The following MYO9B variants were observed in gnomAD, a reference collection of about 807,000 sequenced individuals.
MYO9B encodes the protein unconventional myosin-IXb.
MYO9B carries 71 observed loss-of-function variants against 229.5 expected under a neutral mutation model. That is an observed-to-expected ratio of 0.31 (90% CI 0.26 to 0.38). MYO9B has a LOEUF of 0.38. MYO9B is among the 10% of genes least tolerant of loss of function. MYO9B has a pLI of 1.00. For synonymous variants in MYO9B, 1,185 were observed against 1,235.8 expected, an observed-to-expected ratio of 0.96 and a Z score of 0.86; for missense variants, 2,255 against 2,920.5, an observed-to-expected ratio of 0.77 and a Z score of 5.25.
intron 11 of MYO9B, among the ~76,000 whole-genome samples, chr19:17,171,316 C>T (rs889323350): frequency 4.6e-5 from 7 of 152,124 alleles, no homozygotes; most frequent in African/African-American, 1.7e-4. Flanking sequence ...CAAGGAGTCC[C>T]TTATTCTGCC....
chr19:17,083,095 A>C (rs2057549268), intron 1 of MYO9B, among the ~76,000 whole-genome samples: 1 of 134,170 alleles, frequency 7.5e-6, no homozygotes, highest in East Asian at 2.1e-4. Context: ...CAGAGGCATG[A>C]TCTTGGCTCA....
At chr19:17,203,604 C>G (rs1201732622) in intron 30 of MYO9B, among the ~76,000 whole-genome samples, 9 of 131,466 alleles carry the variant, frequency 6.8e-5, no homozygotes, top group Admixed American at 4.0e-4. Context: ...CAGAGCAAGA[C>G]TCTGTCTCAA....
chr19:17,134,053 G>GCTCAGCCAGGATCT (rs1391524518), intron 2 of MYO9B, among the ~76,000 whole-genome samples: 1 of 152,160 alleles, frequency 6.6e-6, no homozygotes, highest in African/African-American at 2.4e-5. Flanking sequence ...GAGCCACCAT[G>GCTCAGCCAGGATCT]CCTGGCCTGC....
rs1174496586 is a variant in MYO9B, at chr19:17,159,387, C to T, written c.1330-8C>T. 1 of 1,598,756 alleles carries T rather than the reference C, an allele frequency of 6.3e-7. No homozygotes were observed. The highest frequency in any genetic ancestry group is 8.5e-7 in the Non-Finnish European group (1 of 1,172,598). ...TTTTCCTTCTCCCTCTCCTTGACCT[C>T]CAAACAGGTGAAGCGAGAAATCTTG... On this transcript the variant is annotated splice_polypyrimidine_tract_variant and splice_region_variant and intron_variant, in intron 7 of 39. Coordinates refer to ENST00000682292, the MANE Select transcript of MYO9B (RefSeq NM_004145.4).
intron 20 of MYO9B, among the ~76,000 whole-genome samples, chr19:17,191,420 G>A (rs1568294518): frequency 6.6e-6 from 1 of 152,144 alleles, no homozygotes; most frequent in Non-Finnish European, 1.5e-5. Context: ...TCTTCAGCAG[G>A]GCTCAGCGAC....
chr19:17,157,066 C>T (rs1350285639), intron 7 of MYO9B, 28 bp downstream of exon 7: 2 of 1,607,134 alleles, frequency 1.2e-6, no homozygotes, highest in South Asian at 1.1e-5. Flanking sequence ...TGTCCCTTCT[C>T]AGGCCTGGCT....
intron 2 of MYO9B, among the ~76,000 whole-genome samples, chr19:17,118,151 C>T (rs150285488): frequency 5.0e-4 from 76 of 151,996 alleles, no homozygotes; most frequent in Admixed American, 1.1e-3. Flanking sequence ...GTGTACAGGA[C>T]GGCCCCCCTC....
At position 17,134,381 on chromosome 19, in the gene MYO9B, G is replaced by GTTTGTTTT. The variant is rs2072241804; in HGVS notation, c.841-11013_841-11012insGTTTTTTT. ...CTTTGTTTTTTTTTTCGTTTTGTTT[G>GTTTGTTTT]TTTTTTTTTTTTTTTTTTTTTTTTT... On this transcript the variant is annotated intron_variant, in intron 2 of 39. Transcript: ENST00000682292. Among the ~76,000 whole-genome samples, 15 of 46,482 alleles carry GTTTGTTTT rather than the reference G, an allele frequency of 3.2e-4. 1 individual carries two copies. The highest frequency in any genetic ancestry group is 1.2e-3 in the African/African-American group (13 of 11,204). The allele number at this position is 46,482 out of a possible 152,430, so 30.5% of individuals were successfully genotyped here.
At chr19:17,122,982 A>G (rs2057979520) in intron 2 of MYO9B, among the ~76,000 whole-genome samples, 1 of 152,180 alleles carries the variant, frequency 6.6e-6, no homozygotes, top group South Asian at 2.1e-4. Context: ...GTGCTACTCA[A>G]GAGGTTGAGG....
intron 10 of MYO9B, among the ~76,000 whole-genome samples, 192 bp downstream of exon 10, chr19:17,163,314 C>T (rs2072624542): frequency 1.3e-5 from 2 of 151,604 alleles, no homozygotes; most frequent in Non-Finnish European, 1.5e-5. Context: ...GACTCTGTCC[C>T]CATGAAACAC....
chr19:17,203,470 G>C (rs1599424189), intron 30 of MYO9B, among the ~76,000 whole-genome samples: 2 of 151,918 alleles, frequency 1.3e-5, no homozygotes, highest in Non-Finnish European at 2.9e-5. Flanking sequence ...AAAATTATCT[G>C]GGCACAGTAG....
chr19:17,206,442 C>G, intron 33 of MYO9B, 66 bp downstream of exon 33: 1 of 1,573,706 alleles, frequency 6.4e-7, no homozygotes, highest in Non-Finnish European at 8.6e-7. Flanking sequence ...TCGCTGTGAC[C>G]AGCCCAGGAG....
At position 17,181,757 on chromosome 19, in the gene MYO9B, C is replaced by T. The variant is rs565007642; in HGVS notation, c.2333+717C>T. 4.6e-5 allele frequency among the ~76,000 whole-genome samples: 7 copies of T among 152,210 alleles called. No individual in the cohort carries two copies. In the East Asian group the frequency reaches 1.2e-3, roughly 25 times the overall value. On this transcript the variant is annotated intron_variant, in intron 15 of 39. Transcript: ENST00000682292. The stretch of plus-strand genomic sequence containing the variant: ...AGTTTCTTTCTTTCTTTCTTTCTTT[C>T]GTTCGTTCTTTATTTCGTTCTTTCG...
At chr19:17,166,641 G>A (rs914877212) in intron 10 of MYO9B, among the ~76,000 whole-genome samples, 30 of 151,822 alleles carry the variant, frequency 2.0e-4, no homozygotes, top group Admixed American at 1.6e-3. Context: ...TTCCTGATCC[G>A]CTCACTCCTC....
intron 1 of MYO9B, among the ~76,000 whole-genome samples, chr19:17,079,952 T>A (rs948536362): frequency 6.6e-6 from 1 of 152,200 alleles, no homozygotes; most frequent in African/African-American, 2.4e-5. Flanking sequence ...CAGAGCCCCG[T>A]TCCCTTTCAA....
rs1359916477 is a variant in MYO9B, at chr19:17,184,058, G to A, written c.2373+190G>A. On this transcript the variant is annotated intron_variant, in intron 16 of 39. Coordinates refer to ENST00000682292, the MANE Select transcript of MYO9B (RefSeq NM_004145.4). ...TCTCTTTATGGGTTTCCCAGAAGCA[G>A]GGTCTGAGATGGGGTATTTGCACAC... The A allele has an allele frequency of 4.8e-6, 3 of 626,926 alleles. No homozygotes were observed. The African/African-American group carries it at 5.6e-5, about 12-fold the overall frequency. The allele number at this position is 626,926 out of a possible 1,614,324, so 38.8% of individuals were successfully genotyped here.
At chr19:17,159,116 C>G (rs957410615) in intron 7 of MYO9B, among the ~76,000 whole-genome samples, 1 of 152,110 alleles carries the variant, frequency 6.6e-6, no homozygotes, top group East Asian at 1.9e-4. Context: ...ATTGCTTGAA[C>G]CCAGGAGGCA....
chr19:17,143,516 G>T (rs1450092271), intron 2 of MYO9B, among the ~76,000 whole-genome samples: 1 of 152,152 alleles, frequency 6.6e-6, no homozygotes, highest in African/African-American at 2.4e-5. Context: ...ACCTAATATT[G>T]CATGTTCTCA....
chr19:17,105,287 G>A (rs895046864), intron 2 of MYO9B, among the ~76,000 whole-genome samples: 1 of 135,160 alleles, frequency 7.4e-6, no homozygotes, highest in East Asian at 2.1e-4. Flanking sequence ...TTCCAGATCA[G>A]CCTGGGCAAC....
Sources: allele counts gnomAD v4.1 joint callset (sites outside exome capture counted in the v4.1 genomes callset), GRCh38; gene constraint gnomAD v4.1.1; transcripts MANE v1.5; gene names NCBI Gene and HGNC (gene_info 2026-07-23, HGNC 2026-07-21).